TMEM272: variants seen among roughly 807,000 people sequenced by gnomAD.
The protein encoded by TMEM272 is long intergenic non-protein coding RNA 282.
In TMEM272, 8 loss-of-function variants were observed where a neutral mutation model predicts 3.7. The ratio of observed to expected loss-of-function variants is 2.17; its 90% confidence interval spans 1.27 to 3.91. The LOEUF is 3.91. Among genes scored for constraint, TMEM272 ranks in the 30% most tolerant of loss-of-function variants. The probability of loss-of-function intolerance (pLI) is 0.00; values close to 1 mark genes in which losing one functional copy is unlikely to be tolerated. For synonymous variants in TMEM272, 63 were observed against 39.8 expected, an observed-to-expected ratio of 1.58 and a Z score of -2.20; for missense variants, 166 against 91.5, an observed-to-expected ratio of 1.81 and a Z score of -3.32.
the TMEM272 span, among the ~76,000 whole-genome samples, chr13:51,852,618 G>A: frequency 5.3e-5 from 8 of 152,210 alleles, no homozygotes; most frequent in East Asian, 1.4e-3. Context: ...GGTGGCTCAA[G>A]CCTGTAATCC....
the TMEM272 span, among the ~76,000 whole-genome samples, chr13:51,923,779 G>T: frequency 6.6e-6 from 1 of 152,052 alleles, no homozygotes; most frequent in Non-Finnish European, 1.5e-5. Context: ...AGGACAGGGG[G>T]ACAATCCCCC....
intron 1 of TMEM272, among the ~76,000 whole-genome samples, chr13:51,841,159 C>T (rs1956260043): frequency 6.6e-6 from 1 of 152,252 alleles, no homozygotes; most frequent in Non-Finnish European, 1.5e-5. Context: ...CATGGCCCAT[C>T]ACGGCTCCTA....
the TMEM272 span, chr13:51,865,711 A>G: frequency 6.2e-7 from 1 of 1,614,180 alleles, no homozygotes; most frequent in Non-Finnish European, 8.5e-7. Flanking sequence ...GGGAAATGGA[A>G]AAGTCTTTCA....
the TMEM272 span, among the ~76,000 whole-genome samples, chr13:51,903,417 G>A: frequency 1.3e-5 from 2 of 152,152 alleles, no homozygotes; most frequent in African/African-American, 4.8e-5. Context: ...GGGAGGGAGG[G>A]AGAGGTGGCA....
chr13:51,930,615 T>C, the TMEM272 span: 1 of 152,014 alleles, frequency 6.6e-6, no homozygotes, highest in African/African-American at 2.4e-5. Context: ...AAGCATTTCT[T>C]TGCACATACG....
At chr13:51,868,449 G>A in the TMEM272 span, among the ~76,000 whole-genome samples, 12 of 152,240 alleles carry the variant, frequency 7.9e-5, no homozygotes, top group Non-Finnish European at 1.6e-4. Context: ...AGTAAGCTGT[G>A]TACAACTAAT....
chr13:51,932,465 A>C, the TMEM272 span: 1 of 152,408 alleles, frequency 6.6e-6, no homozygotes, highest in South Asian at 2.1e-4. Context: ...CCGCTGAGGC[A>C]GGCCTGCATT....
At chr13:51,838,350 C>G (rs920136710) in intron 2 of TMEM272, 123 bp downstream of exon 2, 4 of 688,866 alleles carry the variant, frequency 5.8e-6, no homozygotes, top group African/African-American at 1.8e-5. Context: ...AGCTCTACCA[C>G]CCTGGGGCCA....
the TMEM272 span, chr13:51,910,726 C>T: frequency 1.0e-5 from 4 of 382,550 alleles, no homozygotes; most frequent in Middle Eastern, 9.0e-4. Context: ...AAATCTGCGC[C>T]AGGCAACCGG....
chr13:51,889,624 T>G, the TMEM272 span, among the ~76,000 whole-genome samples: 285 of 148,210 alleles, frequency 1.9e-3, 1 homozygote, highest in Non-Finnish European at 3.2e-3. Flanking sequence ...ATTTGTTTTT[T>G]TGTGTGTGTG....
intron 2 of TMEM272, among the ~76,000 whole-genome samples, chr13:51,830,007 T>C (rs899255506): frequency 2.5e-4 from 38 of 152,228 alleles, no homozygotes; most frequent in African/African-American, 8.7e-4. Flanking sequence ...AAGAGAATTC[T>C]GTACAAACAG....
chr13:51,863,586 G>C, the TMEM272 span, among the ~76,000 whole-genome samples: 1 of 151,974 alleles, frequency 6.6e-6, no homozygotes, highest in Admixed American at 6.6e-5. Flanking sequence ...ATGTGCCCCT[G>C]GTTCTGGTTT....
In TMEM272 at chr13:51,826,589, A is replaced by T. The variant is rs1956127369; in HGVS notation, c.95T>A (p.Leu32Gln). 1.4e-6 allele frequency: 1 copy of T among 702,638 alleles called. No homozygotes were observed. Among genetic ancestry groups the T allele is most frequent in the Non-Finnish European group, 2.6e-6 (1 of 385,012 alleles). The allele number at this position is 702,638 out of a possible 1,614,324, so 43.5% of individuals were successfully genotyped here. A position where few individuals can be genotyped will look rare whatever the true frequency, so the allele number is the denominator to read the frequency against. ...ACCTATGAAGGTCATGGACAGCGGC[A>T]GAGCCAGGAAAGCACAGAGCACAAC... Reference protein sequence around the residue: ...FVVVLCAFLALPLSMTFIGMK... With the variant: ...FVVVLCAFLAQPLSMTFIGMK... Residue 32 changes from leucine (L) to glutamine (Q), a missense_variant, in exon 3 of 5, where the codon CTG becomes CAG. By Grantham distance (113) the Leu-to-Gln change is moderately radical. Coordinates refer to ENST00000629372, the MANE Select transcript of TMEM272 (RefSeq NM_001351003.2).
At chr13:51,840,034 C>A (rs1956248506) in intron 1 of TMEM272, among the ~76,000 whole-genome samples, 1 of 152,190 alleles carries the variant, frequency 6.6e-6, no homozygotes, top group Non-Finnish European at 1.5e-5. Flanking sequence ...CCACATGTTA[C>A]CTAATTTAGT....
the TMEM272 span, among the ~76,000 whole-genome samples, chr13:51,914,174 A>G: frequency 1.3e-5 from 2 of 152,254 alleles, no homozygotes; most frequent in Admixed American, 6.5e-5. Context: ...AGGTCAGTTC[A>G]GCTCAGGAAC....
the TMEM272 span, among the ~76,000 whole-genome samples, chr13:51,872,134 T>C: frequency 6.6e-6 from 1 of 152,298 alleles, no homozygotes; most frequent in East Asian, 1.9e-4. Context: ...CAGATAACTG[T>C]AGCTTGGAGG....
At chr13:51,894,447 T>C in the TMEM272 span, among the ~76,000 whole-genome samples, 1 of 152,170 alleles carries the variant, frequency 6.6e-6, no homozygotes, top group Non-Finnish European at 1.5e-5. Context: ...AGGACTCTGA[T>C]TGGCCAGGTT....
the TMEM272 span, among the ~76,000 whole-genome samples, chr13:51,884,325 C>T: frequency 6.6e-5 from 10 of 152,312 alleles, no homozygotes; most frequent in East Asian, 1.9e-3. Context: ...TTGGTTGTGG[C>T]AATGTTGACT....
At chr13:51,853,751 T>C in the TMEM272 span, among the ~76,000 whole-genome samples, 3 of 152,224 alleles carry the variant, frequency 2.0e-5, no homozygotes, top group African/African-American at 7.2e-5. Flanking sequence ...AAATGATATA[T>C]GAAAAAGCAA....
Sources: allele counts gnomAD v4.1 joint callset (sites outside exome capture counted in the v4.1 genomes callset), GRCh38; gene constraint gnomAD v4.1.1; transcripts MANE v1.5; gene names NCBI Gene and HGNC (gene_info 2026-07-23, HGNC 2026-07-21).